The following SAXO1 variants were observed in gnomAD, a reference collection of about 807,000 sequenced individuals.
SAXO1 encodes stabilizer of axonemal microtubules 1.
In SAXO1, 21 loss-of-function variants were observed where a neutral mutation model predicts 17.5. The observed-to-expected ratio is 1.20, with a 90% CI of 0.85 to 1.72. The LOEUF (loss-of-function observed/expected upper bound fraction) is 1.72, where lower values mean the gene tolerates loss of function less well. Among genes scored for constraint, SAXO1 ranks in the 40% most tolerant of loss-of-function variants. The pLI is 0.00. For missense variants in SAXO1, 843 were observed against 596.0 expected (o/e 1.41, Z -4.32); for synonymous variants, 274 against 216.5 (o/e 1.27, Z -2.33).
intron 1 of SAXO1, among the ~76,000 whole-genome samples, chr9:18,964,548 G>C (rs906775571): frequency 1.3e-5 from 2 of 152,142 alleles, no homozygotes; most frequent in Non-Finnish European, 2.9e-5. Context: ...AGATTTTCTA[G>C]TTTATTTGCA....
At chr9:18,987,146 G>A (rs1036317828) in intron 1 of SAXO1, among the ~76,000 whole-genome samples, 14 of 152,124 alleles carry the variant, frequency 9.2e-5, no homozygotes, top group Non-Finnish European at 2.1e-4. Flanking sequence ...GTCCTCTCAG[G>A]TGATTAACAA....
intron 1 of SAXO1, among the ~76,000 whole-genome samples, chr9:18,999,552 G>A (rs935743565): frequency 2.0e-5 from 3 of 150,830 alleles, no homozygotes; most frequent in Non-Finnish European, 4.4e-5. Flanking sequence ...GGGAAGTGAG[G>A]AGCGCCGCTG....
intron 1 of SAXO1, among the ~76,000 whole-genome samples, chr9:18,958,653 A>G (rs1408389974): frequency 6.6e-6 from 1 of 152,068 alleles, no homozygotes; most frequent in African/African-American, 2.4e-5. Flanking sequence ...GTTTAGTGAA[A>G]AAGACTACCT....
chr9:19,011,122 A>G (rs1180866002), intron 1 of SAXO1, among the ~76,000 whole-genome samples: 1 of 152,236 alleles, frequency 6.6e-6, no homozygotes, highest in Non-Finnish European at 1.5e-5. Flanking sequence ...CTAAAAAAGT[A>G]AAAGTTAAGT....
At chr9:19,015,217 G>A (rs1834922074) in intron 1 of SAXO1, among the ~76,000 whole-genome samples, 1 of 152,176 alleles carries the variant, frequency 6.6e-6, no homozygotes, top group Non-Finnish European at 1.5e-5. Context: ...CCAGCCCGGA[G>A]TACAATGGCA....
intron 1 of SAXO1, among the ~76,000 whole-genome samples, chr9:18,991,406 G>A (rs1833806902): frequency 6.6e-6 from 1 of 152,182 alleles, no homozygotes; most frequent in Non-Finnish European, 1.5e-5. Flanking sequence ...ATGAGTTCAT[G>A]TCCTTTGCAG....
At chr9:18,970,135 A>C (rs1349553497) in intron 1 of SAXO1, among the ~76,000 whole-genome samples, 1 of 152,168 alleles carries the variant, frequency 6.6e-6, no homozygotes, top group Admixed American at 6.5e-5. Flanking sequence ...AGGGTGTGTA[A>C]ACAGTTGGAT....
At chr9:18,984,017 G>C (rs1412153942) in intron 1 of SAXO1, among the ~76,000 whole-genome samples, 1 of 152,216 alleles carries the variant, frequency 6.6e-6, no homozygotes, top group Non-Finnish European at 1.5e-5. Flanking sequence ...TGTTATGTTA[G>C]CAGGGATAGA....
chr9:18,951,308 C>G (rs1454549449), intron 1 of SAXO1, among the ~76,000 whole-genome samples: 1 of 152,140 alleles, frequency 6.6e-6, no homozygotes. Context: ...CACAACAGCC[C>G]AGGAATTCAG....
chr9:19,023,848 G>GAAC lies in SAXO1; in HGVS notation c.38+9022_38+9023insGTT, dbSNP rs1563988272. ...GAAGGAAAGGGAGGAAAGGAACGAA[G>GAAC]GAACGAACAAAGGGGGCCAGGCACA... is the stretch of plus-strand genomic sequence containing the variant. On this transcript the variant is annotated intron_variant, in intron 1 of 3. Coordinates refer to ENST00000380534, the MANE Select transcript of SAXO1 (RefSeq NM_153707.4). Among the ~76,000 whole-genome samples, 656 of 151,616 alleles carry GAAC rather than the reference G, an allele frequency of 4.3e-3. 8 individuals carry two copies. The highest frequency in any genetic ancestry group is 0.015 in the African/African-American group (617 of 41,292).
chr9:19,006,691 GT>G (rs1330117005), intron 1 of SAXO1, among the ~76,000 whole-genome samples: 1 of 152,196 alleles, frequency 6.6e-6, no homozygotes, highest in Non-Finnish European at 1.5e-5. Flanking sequence ...GAAACAAATA[GT>G]GGTAACAGCT....
At chr9:18,949,081 G>A (rs1312266807) in intron 2 of SAXO1, among the ~76,000 whole-genome samples, 1 of 152,110 alleles carries the variant, frequency 6.6e-6, no homozygotes, top group African/African-American at 2.4e-5. Flanking sequence ...GACTCTCAGA[G>A]ACAAAGAATA....
rs1003645103 is a variant in SAXO1 at position 19,022,230 on chromosome 9, A to G, written c.38+10641T>C. Among the ~76,000 whole-genome samples the G allele has an allele frequency of 9.9e-5, 15 of 152,234 alleles. No homozygotes were observed. The East Asian group carries it at 2.9e-3, about 29-fold the overall frequency. On this transcript the variant is annotated intron_variant, in intron 1 of 3. Transcript: ENST00000380534. ...TCTGCAGCTCCACTCCTTAAGTCAG[A>G]GAGATCACCAACCCACTGGAAGGAA...
At chr9:18,965,368 T>C (rs565298549) in intron 1 of SAXO1, among the ~76,000 whole-genome samples, 3 of 152,328 alleles carry the variant, frequency 2.0e-5, no homozygotes, top group African/African-American at 7.2e-5. Context: ...TCTTCCACTA[T>C]TATTGTGTGC....
At chr9:18,956,561 G>A (rs908560072) in intron 1 of SAXO1, among the ~76,000 whole-genome samples, 3 of 152,148 alleles carry the variant, frequency 2.0e-5, no homozygotes, top group African/African-American at 4.8e-5. Context: ...GTGGAAAGGG[G>A]CTCAGAGGCA....
chr9:18,929,424 T>C (rs1830937599), intron 3 of SAXO1, among the ~76,000 whole-genome samples: 2 of 152,166 alleles, frequency 1.3e-5, no homozygotes, highest in Non-Finnish European at 2.9e-5. Context: ...TGAATCAGCA[T>C]GGAAGGAGTG....
At chr9:18,965,494 C>T (rs559033216) in intron 1 of SAXO1, among the ~76,000 whole-genome samples, 1 of 152,198 alleles carries the variant, frequency 6.6e-6, no homozygotes, top group East Asian at 1.9e-4. Flanking sequence ...GATCCCTTTA[C>T]CATTATGTAA....
chr9:18,941,502 G>A (rs1588414164), intron 3 of SAXO1, 135 bp downstream of exon 3: 1 of 908,006 alleles, frequency 1.1e-6, no homozygotes. Context: ...AAAACAGGCT[G>A]CTGGCCAGAT....
chr9:18,951,086 T>TTCACGTAGTTTAGTGGAA, intron 1 of SAXO1, 149 bp from the exon 2 acceptor site: 1 of 784,812 alleles, frequency 1.3e-6, no homozygotes, highest in Non-Finnish European at 2.0e-6. Flanking sequence ...TTTTTTCCAC[T>TTCACGTAGTTTAGTGGAA]AAACTACGTG....
Sources: gnomAD v4.1 joint callset for allele counts (sites outside exome capture counted in the v4.1 genomes callset) on GRCh38, gnomAD v4.1.1 for gene constraint, MANE v1.5 for transcripts, NCBI Gene and HGNC (gene_info 2026-07-23, HGNC 2026-07-21) for gene names.